The following RGPD8 variants were observed in gnomAD, a reference collection of about 807,000 sequenced individuals.
The protein encoded by RGPD8 is RANBP2 like and GRIP domain containing 8, also known as RANBP2-like and GRIP domain-containing protein 8.
A neutral mutation model predicts 89.1 loss-of-function variants in RGPD8; 15 were observed. The observed-to-expected ratio is 0.17, with a 90% CI of 0.11 to 0.26. RGPD8 has a LOEUF of 0.26. RGPD8 is among the 10% of genes least tolerant of loss of function. The pLI is 1.00. For missense variants in RGPD8, 178 were observed against 1,179.6 expected, an observed-to-expected ratio of 0.15 and a Z score of 12.44; for synonymous variants, 62 against 420.9, an observed-to-expected ratio of 0.15 and a Z score of 10.44.
At chr2:112,426,925 A>G (rs1679796616) in intron 1 of RGPD8, among the ~76,000 whole-genome samples, 1 of 150,676 alleles carries the variant, frequency 6.6e-6, no homozygotes, top group East Asian at 2.0e-4. Context: ...TCCCGGGTAC[A>G]AGCTGGGACT....
rs776360697 is a variant in RGPD8 at position 112,417,180 on chromosome 2, A to C, written c.782+13T>G. The C allele has an allele frequency of 3.1e-6, 5 of 1,608,652 alleles. No individual in the cohort carries two copies. In the Admixed American group the frequency reaches 8.3e-5, roughly 27 times the overall value. Reference sequence around the variant, plus strand: ...CAATTTATACTAAAGCATTCTCCTCAAAGTCTACGCACCTTTCCAGTAATT... The same window carrying C: ...CAATTTATACTAAAGCATTCTCCTCCAAGTCTACGCACCTTTCCAGTAATT... On this transcript the variant is annotated intron_variant, in intron 6 of 22. Transcript: ENST00000302558.
chr2:112,377,462 A>G (rs1455128572), intron 22 of RGPD8, among the ~76,000 whole-genome samples: 1 of 102,458 alleles, frequency 9.8e-6, no homozygotes, highest in Non-Finnish European at 2.2e-5. Flanking sequence ...TATTTTTAGT[A>G]GAGACGAGAT....
intron 6 of RGPD8, among the ~76,000 whole-genome samples, chr2:112,413,160 G>A (rs971847811): frequency 2.8e-5 from 4 of 141,122 alleles, no homozygotes; most frequent in East Asian, 2.0e-4. Context: ...TCTCACTACC[G>A]CCTGGGCTGG....
chr2:112,428,746 T>C (rs566885988), intron 1 of RGPD8, among the ~76,000 whole-genome samples: 8 of 152,392 alleles, frequency 5.2e-5, no homozygotes, highest in African/African-American at 1.9e-4. Context: ...GATGGGATTA[T>C]GTGACCAGTT....
intron 1 of RGPD8, among the ~76,000 whole-genome samples, chr2:112,426,656 T>A (rs1429256227): frequency 2.0e-5 from 3 of 150,324 alleles, no homozygotes; most frequent in Non-Finnish European, 3.0e-5. Flanking sequence ...GAGAGACTTG[T>A]ATGCTTAAAT....
chr2:112,381,929 A>C (rs2699597), intron 20 of RGPD8, among the ~76,000 whole-genome samples: 1 of 151,910 alleles, frequency 6.6e-6, no homozygotes. Context: ...AAAGGATGCA[A>C]AGTATTAATC....
intron 22 of RGPD8, among the ~76,000 whole-genome samples, chr2:112,374,646 C>T (rs4849061): frequency 0.16 from 14,652 of 90,534 alleles, 2,032 homozygotes; most frequent in Non-Finnish European, 0.2. Flanking sequence ...TGAGATTTTA[C>T]TGGGTTTTTG....
chr2:112,414,566 T>C lies in RGPD8; in HGVS notation c.783-1940A>G, dbSNP rs1679308713. On this transcript the variant is annotated intron_variant, in intron 6 of 22. Transcript: ENST00000302558. ...TTACATTTTTTGTTTTAATTTCTAA[T>C]GTAATAAACACTGACAGAAATAACC... 1.6e-4 allele frequency among the ~76,000 whole-genome samples: 14 copies of C among 86,916 alleles called. 1 individual carries two copies. In the South Asian group the frequency reaches 5.7e-3, roughly 36 times the overall value. 57.0% of individuals were successfully genotyped at this position (86,916 alleles called of 152,430 possible).
chr2:112,424,194 G>T, intron 2 of RGPD8, 46 bp downstream of exon 2: 3 of 1,559,616 alleles, frequency 1.9e-6, no homozygotes, highest in Non-Finnish European at 1.7e-6. Context: ...AATGAGAAAA[G>T]GCATTGATTT....
At chr2:112,374,840 C>T (rs377737671) in intron 22 of RGPD8, among the ~76,000 whole-genome samples, 2 of 137,958 alleles carry the variant, frequency 1.4e-5, no homozygotes, top group Non-Finnish European at 3.1e-5. Flanking sequence ...TCTTTTGAAC[C>T]ATCTTGTAGT....
chr2:112,425,921 C>T (rs1354849862), intron 1 of RGPD8, among the ~76,000 whole-genome samples: 1 of 152,144 alleles, frequency 6.6e-6, no homozygotes, highest in African/African-American at 2.4e-5. Flanking sequence ...AACATGTTTC[C>T]TGTTTGTGTC....
At chr2:112,432,920 T>A (rs1488112630) in intron 1 of RGPD8, among the ~76,000 whole-genome samples, 1 of 84,740 alleles carries the variant, frequency 1.2e-5, no homozygotes, top group Non-Finnish European at 2.9e-5. Context: ...AGCAGCGCCC[T>A]CGGGAGCCAT....
intron 1 of RGPD8, chr2:112,432,736 A>G (rs1680100934): frequency 2.0e-6 from 2 of 985,288 alleles, no homozygotes; most frequent in African/African-American, 1.7e-5. Context: ...AGCCCGGGCC[A>G]GGGCGAGCCC....
At chr2:112,432,766 A>G (rs1412013260) in intron 1 of RGPD8, among the ~76,000 whole-genome samples, 1 of 152,028 alleles carries the variant, frequency 6.6e-6, no homozygotes, top group Admixed American at 6.5e-5. Flanking sequence ...CACCGTCGGG[A>G]ACAAACCGGG....
At chr2:112,430,505 A>T (rs1241889241) in intron 1 of RGPD8, among the ~76,000 whole-genome samples, 1 of 152,182 alleles carries the variant, frequency 6.6e-6, no homozygotes, top group African/African-American at 2.4e-5. Flanking sequence ...CAATCGTCAA[A>T]ATGTTGCTAC....
At chr2:112,374,886 G>T (rs1309261312) in intron 22 of RGPD8, among the ~76,000 whole-genome samples, 2 of 139,214 alleles carry the variant, frequency 1.4e-5, no homozygotes, top group African/African-American at 5.6e-5. Flanking sequence ...TTTGAGATAG[G>T]AGTTTTGCTC....
At chr2:112,404,914 AT>A (rs1354853911) in intron 8 of RGPD8, among the ~76,000 whole-genome samples, 1 of 152,140 alleles carries the variant, frequency 6.6e-6, no homozygotes, top group East Asian at 1.9e-4. Context: ...GTTCCCAGAG[AT>A]TTTTATGCCA....
intron 7 of RGPD8, among the ~76,000 whole-genome samples, chr2:112,411,759 C>G (rs1170762481): frequency 3.3e-4 from 1 of 3,012 alleles, no homozygotes; most frequent in African/African-American, 3.9e-3. Flanking sequence ...GGCTTGGTAG[C>G]ATGGGCCTGT....
At chr2:112,410,945 C>A (rs1339292341) in intron 7 of RGPD8, among the ~76,000 whole-genome samples, 8 of 152,314 alleles carry the variant, frequency 5.3e-5, no homozygotes, top group Admixed American at 4.6e-4. Context: ...ATTAGATGGG[C>A]GTGGTGGCGT....
Sources: gnomAD v4.1 joint callset for allele counts (sites outside exome capture counted in the v4.1 genomes callset) on GRCh38, gnomAD v4.1.1 for gene constraint, MANE v1.5 for transcripts, NCBI Gene and HGNC (gene_info 2026-07-23, HGNC 2026-07-21) for gene names.